Variants in LRP2 observed in about 807,000 individuals in gnomAD.
The protein encoded by LRP2 is low-density lipoprotein receptor-related protein 2.
Under a neutral mutation model 531.0 loss-of-function variants are expected in LRP2, and 172 were observed. The observed-to-expected ratio is 0.32, with a 90% CI of 0.29 to 0.37. The LOEUF (loss-of-function observed/expected upper bound fraction) is 0.37. LRP2 is among the 10% of genes least tolerant of loss of function. LRP2 has a pLI of 1.00. For missense variants in LRP2, 5,167 were observed against 5,868.3 expected (o/e 0.88, Z 3.90); for synonymous variants, 1,992 against 2,027.6 (o/e 0.98, Z 0.47).
chr2:169,346,246 A>G (rs916393975), intron 1 of LRP2, among the ~76,000 whole-genome samples: 1 of 152,234 alleles, frequency 6.6e-6, no homozygotes, highest in Non-Finnish European at 1.5e-5. Flanking sequence ...TGTTGGGTTT[A>G]ATTATTTACA....
Position 169,205,492 on chromosome 2 carries a change from C to G in LRP2, c.7702G>C (p.Val2568Leu). ...AGAGACACCTACAGACTAGCATCCACCCAGTAGAGAAGGTCCTCTTCATAG... is the reference window on the plus strand; with the variant it reads ...AGAGACACCTACAGACTAGCATCCAGCCAGTAGAGAAGGTCCTCTTCATAG... ...LDYEEDLLYW[V>L]DASLQRIERS... The change falls in exon 41 of 79, where the codon GTG (valine) becomes CTG (leucine). Residue 2568 changes from valine (V) to leucine (L), a missense_variant. Around this residue, in one of 6 missense-constraint regions of LRP2, gnomAD observed 1,129 missense variants for 1,362.7 expected, o/e 0.83. Transcript: ENST00000649046. The G allele has an allele frequency of 1.2e-6, 2 of 1,614,138 alleles. No homozygotes were observed. Among genetic ancestry groups the G allele is most frequent in the Non-Finnish European group, 1.7e-6 (2 of 1,180,006 alleles).
chr2:169,245,261 G>A (rs1689964412), intron 21 of LRP2, among the ~76,000 whole-genome samples: 1 of 152,192 alleles, frequency 6.6e-6, no homozygotes, highest in African/African-American at 2.4e-5. Flanking sequence ...TTAGGAACCT[G>A]CCTATGATTC....
chr2:169,206,894 G>A lies in LRP2; in HGVS notation c.6826C>T (p.Arg2276Cys). ...ENSEVIRYGS[R>C]YPTPYGITVF... ...GTGATGCCATAAGGAGTTGGGTAAC[G>A]ACTGCCATAACGAATCACTTCAGAG... Residue 2276 changes from arginine to cysteine, a missense_variant, in exon 39 of 79, where the codon CGT becomes TGT. By Grantham distance (180) the Arg-to-Cys change is radical (BLOSUM62 -3). Transcript: ENST00000649046. 2 of 1,614,128 alleles carry A rather than the reference G, an allele frequency of 1.2e-6. No individual in the cohort carries two copies. Among genetic ancestry groups the A allele is most frequent in the Non-Finnish European group, 1.7e-6 (2 of 1,180,034 alleles).
At position 169,263,037 on chromosome 2, in the gene LRP2, G is replaced by T. The variant is rs534805147; in HGVS notation, c.2321-3820C>A. On this transcript the variant is annotated intron_variant, in intron 16 of 78. Coordinates refer to ENST00000649046, the MANE Select transcript of LRP2 (RefSeq NM_004525.3). ...TAAATGGTGCTGGGAAAACTGGCTAGCCATATGTAGAAAGCTGAAACTGGA... is the reference window on the plus strand; with the variant it reads ...TAAATGGTGCTGGGAAAACTGGCTATCCATATGTAGAAAGCTGAAACTGGA... 3.0e-3 allele frequency among the ~76,000 whole-genome samples: 464 copies of T among 152,262 alleles called. 1 individual carries two copies. The highest frequency in any genetic ancestry group is 0.024 in the Middle Eastern group (7 of 294).
At chr2:169,134,119 G>A (rs1281430877) in intron 76 of LRP2, among the ~76,000 whole-genome samples, 1 of 152,136 alleles carries the variant, frequency 6.6e-6, no homozygotes, top group African/African-American at 2.4e-5. Flanking sequence ...CAAGAGCCGG[G>A]ACCGTGCCCT....
chr2:169,350,628 G>C (rs1685821282), intron 1 of LRP2, among the ~76,000 whole-genome samples: 2 of 149,508 alleles, frequency 1.3e-5, no homozygotes, highest in Non-Finnish European at 3.0e-5. Flanking sequence ...GGAGGCTGAG[G>C]CAGGAGAATC....
At chr2:169,276,593 C>A (rs998138607) in intron 13 of LRP2, among the ~76,000 whole-genome samples, 1 of 151,966 alleles carries the variant, frequency 6.6e-6, no homozygotes, top group South Asian at 2.1e-4. Flanking sequence ...TTCATTTAAC[C>A]AAGCAGAGAT....
chr2:169,324,214 C>T (rs893965510), intron 1 of LRP2, among the ~76,000 whole-genome samples: 1 of 152,124 alleles, frequency 6.6e-6, no homozygotes, highest in African/African-American at 2.4e-5. Flanking sequence ...TGCCCAAGAT[C>T]CAACAGCAAA....
At chr2:169,332,505 C>G (rs1461755120) in intron 1 of LRP2, among the ~76,000 whole-genome samples, 1 of 152,098 alleles carries the variant, frequency 6.6e-6, no homozygotes, top group African/African-American at 2.4e-5. Flanking sequence ...ATCTTGCATC[C>G]TAGCCTTGGT....
In LRP2 at chr2:169,135,935, A is replaced by T. The variant is rs1351941586; in HGVS notation, c.13620+1457T>A. ...CTGTTTCTCCAAGCCGTCACAGCTGATATCTCGTGGTGCTATCCCCAAACC... is the reference window on the plus strand; with the variant it reads ...CTGTTTCTCCAAGCCGTCACAGCTGTTATCTCGTGGTGCTATCCCCAAACC... On this transcript the variant is annotated intron_variant, in intron 76 of 78. Coordinates refer to ENST00000649046, the MANE Select transcript of LRP2 (RefSeq NM_004525.3). 7.9e-5 allele frequency among the ~76,000 whole-genome samples: 12 copies of T among 152,204 alleles called. No homozygotes were observed. The East Asian group carries it at 1.9e-3, about 25-fold the overall frequency.
chr2:169,327,418 C>A (rs1375854141), intron 1 of LRP2, among the ~76,000 whole-genome samples: 6 of 130,594 alleles, frequency 4.6e-5, no homozygotes, highest in South Asian at 2.5e-4. Flanking sequence ...GGGCCAGCCA[C>A]CCCGTCCGGG....
chr2:169,237,533 C>T (rs1465494244), intron 27 of LRP2, among the ~76,000 whole-genome samples: 3 of 152,110 alleles, frequency 2.0e-5, no homozygotes, highest in Non-Finnish European at 2.9e-5. Context: ...TGCATAGTTT[C>T]GTTTTGGTTT....
rs372078392 is a variant in LRP2 at position 169,177,990 on chromosome 2, C to T, written c.10206G>A (p.Val3402=). 1 of 1,614,042 alleles carries T rather than the reference C, an allele frequency of 6.2e-7. No individual in the cohort carries two copies. Among genetic ancestry groups the T allele is most frequent in the Non-Finnish European group, 8.5e-7 (1 of 1,180,006 alleles). ...AAGGGTGAGGCAGTGCCCCATCATACACCGTGTGTCGATGGTGGCCCTCCA... is the reference window on the plus strand; with the variant it reads ...AAGGGTGAGGCAGTGCCCCATCATATACCGTGTGTCGATGGTGGCCCTCCA... ...SDLEGHHRHT[V]YDGALPHPFA... The change falls in exon 53 of 79, where the codon GTG becomes GTA. Residue 3402 remains valine, a synonymous_variant. Transcript: ENST00000649046.
chr2:169,130,671 G>A (rs1685253004), intron 77 of LRP2, among the ~76,000 whole-genome samples: 2 of 152,156 alleles, frequency 1.3e-5, no homozygotes, highest in South Asian at 4.1e-4. Context: ...CAACCTAGGT[G>A]ATCTCACCCA....
Position 169,246,921 on chromosome 2 carries a change from G to A in LRP2, c.2974C>T (p.Pro992Ser), listed in dbSNP as rs772364125. ...GDCSHFCFPV[P>S]NFQRVCGCPY... ...CACCCACACACTCGCTGGAAATTTG[G>A]CACCGGGAAGCAGAAGTGGCTGCAG... The change falls in exon 21 of 79, where the codon CCA (proline) becomes TCA (serine). Residue 992 changes from proline (P) to serine (S), a missense_variant. By Grantham distance (74) the Pro-to-Ser change is moderately conservative (BLOSUM62 -1). Coordinates refer to ENST00000649046, the MANE Select transcript of LRP2 (RefSeq NM_004525.3). 2 of 1,614,042 alleles carry A rather than the reference G, an allele frequency of 1.2e-6. No homozygotes were observed. Among genetic ancestry groups the A allele is most frequent in the Non-Finnish European group, 1.7e-6 (2 of 1,180,036 alleles).
rs754650655 is a variant in LRP2 at position 169,172,039 on chromosome 2, C to T, written c.11239G>A (p.Asp3747Asn). The T allele has an allele frequency of 1.9e-6, 3 of 1,614,030 alleles. No homozygotes were observed. Among genetic ancestry groups the T allele is most frequent in the Admixed American group, 3.3e-5 (2 of 60,008 alleles). ...WQCDGQNDCG[D>N]NSDEENCAPR... is the part of the protein sequence containing the mutation. ...CCACAGTTTTCCTCATCTGAGTTAT[C>T]TCCACAGTCATTTTGCCCATCACAC... The change falls in exon 58 of 79, where the codon GAT (aspartate) becomes AAT (asparagine). Residue 3747 changes from aspartate (D) to asparagine (N), a missense_variant. This residue lies in a region of LRP2 where 564 missense variants were observed against 747.7 expected (regional missense o/e 0.75). Transcript: ENST00000649046.
At chr2:169,164,233 C>T (rs1355263798) in intron 62 of LRP2, among the ~76,000 whole-genome samples, 1 of 152,176 alleles carries the variant, frequency 6.6e-6, no homozygotes, top group East Asian at 1.9e-4. Context: ...ACCTATCAGG[C>T]ACAGAAGGCA....
At chr2:169,209,366 T>C in intron 38 of LRP2, 87 bp downstream of exon 38, 1 of 1,312,738 alleles carries the variant, frequency 7.6e-7, no homozygotes, top group Non-Finnish European at 1.1e-6. Flanking sequence ...AACAAACCTG[T>C]AGCACATGGA....
At chr2:169,328,292 G>T (rs1171212673) in intron 1 of LRP2, among the ~76,000 whole-genome samples, 1 of 124,706 alleles carries the variant, frequency 8.0e-6, no homozygotes, top group Non-Finnish European at 1.8e-5. Context: ...GAGGTGGGGG[G>T]GTCAGCCCCC....
Sources: allele counts gnomAD v4.1 joint callset (sites outside exome capture counted in the v4.1 genomes callset), GRCh38; gene constraint gnomAD v4.1.1; regional missense constraint gnomAD v4.1.1; transcripts MANE v1.5; gene names NCBI Gene and HGNC (gene_info 2026-07-23, HGNC 2026-07-21).